XPO4: variants seen among roughly 807,000 people sequenced by gnomAD.
XPO4 encodes exportin-4.
Under a neutral mutation model 143.0 loss-of-function variants are expected in XPO4, and 39 were observed. The ratio of observed to expected loss-of-function variants is 0.27; its 90% CI spans 0.21 to 0.36. The LOEUF (loss-of-function observed/expected upper bound fraction) is 0.36. XPO4 is among the 10% of genes least tolerant of loss of function. XPO4 has a pLI of 1.00. For synonymous variants in XPO4, 439 were observed against 474.0 expected, an observed-to-expected ratio of 0.93 and a Z score of 0.96; for missense variants, 907 against 1,348.0, an observed-to-expected ratio of 0.67 and a Z score of 5.12.
chr13:20,868,566 A>C, intron 2 of XPO4, 30 bp downstream of exon 2: 1 of 1,602,948 alleles, frequency 6.2e-7, no homozygotes. Flanking sequence ...TTATGCCAAA[A>C]TATTTTATAT....
At chr13:20,851,928 T>C (rs933541984) in intron 4 of XPO4, 95 of 985,150 alleles carry the variant, frequency 9.6e-5, no homozygotes, top group Admixed American at 1.8e-4. Flanking sequence ...AAAAATCCAA[T>C]TGCCAGGTTG....
chr13:20,867,199 A>G (rs978558843), intron 2 of XPO4, among the ~76,000 whole-genome samples: 4 of 152,204 alleles, frequency 2.6e-5, no homozygotes, highest in African/African-American at 4.8e-5. Context: ...AAAGCTGACC[A>G]CTGAAATAAG....
rs2059141457 is a variant in XPO4, at chr13:20,781,391, C to T, written c.*2331G>A. 1 of 152,650 alleles carries T rather than the reference C, an allele frequency of 6.6e-6. No homozygotes were observed. The highest frequency in any genetic ancestry group is 2.4e-5 in the African/African-American group (1 of 41,444). 9.5% of individuals were successfully genotyped at this position (152,650 alleles called of 1,614,324 possible). On this transcript the variant is annotated 3_prime_UTR_variant, in exon 23 of 23. Coordinates refer to ENST00000255305, the MANE Select transcript of XPO4 (RefSeq NM_022459.5). ...CGTTGCAACTCAGTGGCATCCCCATCACCTAAAAAATGGTAGTGGCTTCTC... is the reference window on the plus strand; with the variant it reads ...CGTTGCAACTCAGTGGCATCCCCATTACCTAAAAAATGGTAGTGGCTTCTC...
At chr13:20,840,725 T>C (rs762892424) in intron 6 of XPO4, among the ~76,000 whole-genome samples, 1 of 152,156 alleles carries the variant, frequency 6.6e-6, no homozygotes, top group Non-Finnish European at 1.5e-5. Context: ...TGTAGCTTAG[T>C]TTAATCTCAC....
intron 4 of XPO4, among the ~76,000 whole-genome samples, chr13:20,847,599 A>C (rs1236226547): frequency 6.6e-6 from 1 of 152,152 alleles, no homozygotes; most frequent in African/African-American, 2.4e-5. Flanking sequence ...CCCCTAACTC[A>C]CCCTCTACTG....
intron 9 of XPO4, among the ~76,000 whole-genome samples, chr13:20,811,613 A>G (rs2059583076): frequency 6.6e-6 from 1 of 152,094 alleles, no homozygotes; most frequent in African/African-American, 2.4e-5. Flanking sequence ...AAGGAAAATC[A>G]GACTGCTTAC....
chr13:20,823,798 C>T (rs888135253), intron 7 of XPO4, among the ~76,000 whole-genome samples: 7 of 152,092 alleles, frequency 4.6e-5, no homozygotes, highest in African/African-American at 1.4e-4. Context: ...ATTACAGGCA[C>T]GTGCCACGGC....
intron 4 of XPO4, among the ~76,000 whole-genome samples, chr13:20,854,644 AT>A (rs2060124206): frequency 6.6e-6 from 1 of 152,204 alleles, no homozygotes; most frequent in Non-Finnish European, 1.5e-5. Context: ...TATGAGTTAA[AT>A]ATCATTCAGG....
At chr13:20,800,118 C>T in intron 15 of XPO4, 38 bp downstream of exon 15, 1 of 1,610,328 alleles carries the variant, frequency 6.2e-7, no homozygotes. Flanking sequence ...CTCACCCACA[C>T]ACATACACAC....
chr13:20,840,248 G>A (rs944354309), intron 6 of XPO4, among the ~76,000 whole-genome samples: 4 of 151,028 alleles, frequency 2.6e-5, no homozygotes, highest in East Asian at 1.9e-4. Context: ...CTCTTCTGTC[G>A]CCCAGGGTGA....
intron 6 of XPO4, among the ~76,000 whole-genome samples, chr13:20,840,875 T>C (rs751621716): frequency 1.3e-5 from 2 of 152,154 alleles, no homozygotes; most frequent in African/African-American, 4.8e-5. Context: ...TATCCTCAAG[T>C]CAAAAACCAA....
intron 6 of XPO4, among the ~76,000 whole-genome samples, chr13:20,832,781 C>T (rs938353428): frequency 3.3e-5 from 5 of 152,130 alleles, no homozygotes; most frequent in African/African-American, 7.2e-5. Context: ...ACATGAGTGA[C>T]CTTACCTGAA....
Position 20,862,769 on chromosome 13 carries a change from T to C in XPO4, c.265A>G (p.Ser89Gly). 1 of 1,614,222 alleles carries C rather than the reference T, an allele frequency of 6.2e-7. No homozygotes were observed. ...VREWILLEKG[S>G]IESLRTFLLT... ...AGGAATGTTCGCAGAGACTCGATGC[T>C]ACCTTTTTCCAAGAGAATCCACTCT... The change falls in exon 3 of 23, where the codon AGC becomes GGC. Residue 89 changes from serine (S) to glycine (G), a missense_variant. Physicochemically the swap from Ser to Gly is moderately conservative, Grantham distance 56. Coordinates refer to ENST00000255305, the MANE Select transcript of XPO4 (RefSeq NM_022459.5).
At chr13:20,875,546 C>T (rs1595153272) in intron 1 of XPO4, among the ~76,000 whole-genome samples, 1 of 152,254 alleles carries the variant, frequency 6.6e-6, no homozygotes, top group African/African-American at 2.4e-5. Flanking sequence ...GCAAAATATT[C>T]CCTCCTCCAT....
Position 20,779,584 on chromosome 13 carries a change from G to C in XPO4, c.*4138C>G, listed in dbSNP as rs1239617012. The C allele has an allele frequency of 2.0e-5, 3 of 152,562 alleles. No homozygotes were observed. Among genetic ancestry groups the C allele is most frequent in the African/African-American group, 4.8e-5 (2 of 41,534 alleles). 9.5% of individuals were successfully genotyped at this position (152,562 alleles called of 1,614,324 possible). A position where few individuals can be genotyped will look rare whatever the true frequency, so the allele number is the denominator to read the frequency against. On this transcript the variant is annotated 3_prime_UTR_variant, in exon 23 of 23. Transcript: ENST00000255305. ...GAGGGTAAAGATGTGAGCTTCAAGC[G>C]GGTAATGGGCAAGCCACACCTCCCA...
At chr13:20,822,111 G>A (rs1356531553) in intron 8 of XPO4, 21 bp downstream of exon 8, 1 of 1,576,798 alleles carries the variant, frequency 6.3e-7, no homozygotes, top group South Asian at 1.2e-5. Context: ...TTTTTCAGCT[G>A]CAAAGGGCAA....
At chr13:20,902,079 G>A (rs1315223015) in intron 1 of XPO4, 4 of 985,280 alleles carry the variant, frequency 4.1e-6, no homozygotes, top group Non-Finnish European at 4.8e-6. Context: ...CTTAGCACTA[G>A]ACCAAGTTTT....
At chr13:20,807,325 C>T (rs2059520818) in intron 13 of XPO4, 132 bp downstream of exon 13, 1 of 865,668 alleles carries the variant, frequency 1.2e-6, no homozygotes, top group South Asian at 1.8e-5. Flanking sequence ...TATTTCAAGG[C>T]TTCTCCAAGT....
intron 3 of XPO4, among the ~76,000 whole-genome samples, chr13:20,861,473 T>A (rs1161727510): frequency 6.6e-6 from 1 of 151,974 alleles, no homozygotes; most frequent in Non-Finnish European, 1.5e-5. Context: ...TTTTTGTATT[T>A]TTAGTAGAGA....
Sources: gnomAD v4.1 joint callset for allele counts (sites outside exome capture counted in the v4.1 genomes callset) on GRCh38, gnomAD v4.1.1 for gene constraint, MANE v1.5 for transcripts, NCBI Gene and HGNC (gene_info 2026-07-23, HGNC 2026-07-21) for gene names.